Variants in UNC13C observed in about 807,000 individuals in gnomAD.
UNC13C encodes the protein unc-13 homolog C.
Under a neutral mutation model 245.4 loss-of-function variants are expected in UNC13C, and 174 were observed. The ratio of observed to expected loss-of-function variants is 0.71; its 90% CI spans 0.63 to 0.80. The LOEUF is 0.80. Among genes scored for constraint, UNC13C ranks in the 30% least tolerant of loss-of-function variants. The probability of loss-of-function intolerance (pLI) is 0.00; values close to 1 mark genes in which losing one functional copy is unlikely to be tolerated. For missense variants in UNC13C, 2,829 were observed against 2,602.9 expected (o/e 1.09, Z -1.89); for synonymous variants, 992 against 895.1 (o/e 1.11, Z -1.93).
upstream of UNC13C, among the ~76,000 whole-genome samples, chr15:53,976,224 A>C (rs1234200029): frequency 2.0e-5 from 3 of 152,198 alleles, no homozygotes; most frequent in Non-Finnish European, 2.9e-5. Flanking sequence ...AGATGTAAAC[A>C]ATTTCCATTT....
intron 29 of UNC13C, among the ~76,000 whole-genome samples, chr15:54,557,084 C>T (rs1350154715): frequency 6.6e-6 from 1 of 151,982 alleles, no homozygotes; most frequent in African/African-American, 2.4e-5. Flanking sequence ...ATCATCTATA[C>T]TAATATTTTA....
chr15:53,964,330 C>T, the UNC13C span, among the ~76,000 whole-genome samples: 1 of 152,284 alleles, frequency 6.6e-6, no homozygotes, highest in South Asian at 2.1e-4. Flanking sequence ...ATTGATCTGT[C>T]TCCCTAAATC....
chr15:54,111,594 G>T (rs1226841596), intron 2 of UNC13C, among the ~76,000 whole-genome samples: 4 of 152,168 alleles, frequency 2.6e-5, no homozygotes, highest in Non-Finnish European at 4.4e-5. Flanking sequence ...ATCACCACAA[G>T]ACCTTTTAGT....
At chr15:54,353,786 T>C (rs1362922259) in intron 17 of UNC13C, among the ~76,000 whole-genome samples, 1 of 152,218 alleles carries the variant, frequency 6.6e-6, no homozygotes, top group Non-Finnish European at 1.5e-5. Context: ...TGCCATCCTC[T>C]ACCAGGCCTG....
At chr15:54,110,937 G>A (rs892624249) in intron 2 of UNC13C, among the ~76,000 whole-genome samples, 2 of 152,254 alleles carry the variant, frequency 1.3e-5, no homozygotes, top group African/African-American at 4.8e-5. Context: ...CCTTTAATGA[G>A]AAATACTTGT....
chr15:54,421,017 A>T (rs1300440649), intron 19 of UNC13C, among the ~76,000 whole-genome samples: 2 of 151,998 alleles, frequency 1.3e-5, no homozygotes, highest in African/African-American at 4.8e-5. Context: ...CAGATTTTTA[A>T]TCTTATTTAG....
At chr15:54,044,465 A>G (rs76849034) in intron 2 of UNC13C, 32,817 of 301,806 alleles carry the variant, frequency 0.11, 2,009 homozygotes, top group Non-Finnish European at 0.11. Context: ...TACTTGGTTC[A>G]GTGGAACTCT....
intron 8 of UNC13C, 28 bp downstream of exon 8, chr15:54,250,472 G>C: frequency 3.8e-6 from 6 of 1,569,516 alleles, no homozygotes; most frequent in Non-Finnish European, 4.3e-6. Flanking sequence ...CTGAAAAAGT[G>C]GTATGCAGAG....
chr15:54,375,679 C>G (rs949347514), intron 17 of UNC13C, among the ~76,000 whole-genome samples: 6 of 152,106 alleles, frequency 3.9e-5, no homozygotes, highest in African/African-American at 1.4e-4. Flanking sequence ...TTTTTCTGGT[C>G]TTAAAGAATC....
intron 19 of UNC13C, among the ~76,000 whole-genome samples, chr15:54,471,237 T>C (rs1220049978): frequency 1.3e-5 from 2 of 151,480 alleles, no homozygotes; most frequent in Non-Finnish European, 3.0e-5. Context: ...TTCAAGCAAA[T>C]GCTTTTTTAG....
chr15:54,402,863 A>G (rs1461448497), intron 18 of UNC13C, among the ~76,000 whole-genome samples: 1 of 152,232 alleles, frequency 6.6e-6, no homozygotes, highest in Non-Finnish European at 1.5e-5. Flanking sequence ...TGATATTTTA[A>G]TGATTAATCT....
chr15:53,954,245 T>A, the UNC13C span, among the ~76,000 whole-genome samples: 7 of 152,232 alleles, frequency 4.6e-5, no homozygotes, highest in Non-Finnish European at 7.3e-5. Context: ...TCCATGTGCA[T>A]ATCTATAGTG....
At chr15:54,448,127 T>C (rs1890936141) in intron 19 of UNC13C, among the ~76,000 whole-genome samples, 2 of 152,152 alleles carry the variant, frequency 1.3e-5, no homozygotes, top group Admixed American at 6.5e-5. Context: ...GATTACACTA[T>C]GGTCTGAGAG....
At chr15:54,433,093 C>T (rs983265054) in intron 19 of UNC13C, among the ~76,000 whole-genome samples, 1 of 150,796 alleles carries the variant, frequency 6.6e-6, no homozygotes, top group Admixed American at 6.6e-5. Context: ...GAAATTGAGG[C>T]ATATCCTACC....
In UNC13C at chr15:54,132,849, C is replaced by G. The variant is rs1230629274; in HGVS notation, c.2984-10169C>G. On this transcript the variant is annotated intron_variant, in intron 2 of 32. Transcript: ENST00000260323. The stretch of plus-strand genomic sequence containing the variant: ...GTGTTATCACTGAAGAACCTCAGAG[C>G]AAAGATGTTTAAGGGAATTCCTAAA... Among the ~76,000 whole-genome samples the G allele has an allele frequency of 3.9e-5, 6 of 152,222 alleles. No individual in the cohort carries two copies. In the East Asian group the frequency reaches 1.2e-3, roughly 29 times the overall value.
Position 54,496,595 on chromosome 15 carries a change from G to GTATA in UNC13C, c.5060+1873_5060+1876dup, listed in dbSNP as rs534838089. On this transcript the variant is annotated intron_variant, in intron 20 of 32. Transcript: ENST00000260323. ...GATAAAGAAATTGTGGTGTGTGTGT[G>GTATA]TATATATATATATATGTACACCATG... is the stretch of plus-strand genomic sequence containing the variant. Among the ~76,000 whole-genome samples, 21 of 151,240 alleles carry GTATA rather than the reference G, an allele frequency of 1.4e-4. 1 individual carries two copies. Among genetic ancestry groups the GTATA allele is most frequent in the African/African-American group, 3.6e-4 (15 of 41,224 alleles).
intron 2 of UNC13C, among the ~76,000 whole-genome samples, chr15:54,052,904 G>C (rs1276301378): frequency 6.6e-6 from 1 of 152,226 alleles, no homozygotes; most frequent in Non-Finnish European, 1.5e-5. Flanking sequence ...ATATAGAAAA[G>C]TATTAGGTTG....
intron 14 of UNC13C, among the ~76,000 whole-genome samples, chr15:54,330,487 G>C (rs987073383): frequency 3.9e-5 from 6 of 151,978 alleles, no homozygotes; most frequent in Non-Finnish European, 7.4e-5. Flanking sequence ...GAATATAAGA[G>C]GGCCGATGAT....
intron 19 of UNC13C, among the ~76,000 whole-genome samples, chr15:54,440,775 A>G (rs1458537835): frequency 6.6e-6 from 1 of 152,042 alleles, no homozygotes; most frequent in East Asian, 1.9e-4. Context: ...GTTTCCACCA[A>G]CAACGTATAA....
Sources: allele counts gnomAD v4.1 joint callset (sites outside exome capture counted in the v4.1 genomes callset), GRCh38; gene constraint gnomAD v4.1.1; transcripts MANE v1.5; gene names NCBI Gene and HGNC (gene_info 2026-07-23, HGNC 2026-07-21).